DOCK1: variants seen among roughly 807,000 people sequenced by gnomAD.
DOCK1 encodes the protein dedicator of cytokinesis protein 1.
In DOCK1, 138 loss-of-function variants were observed where a neutral mutation model predicts 262.7. That is an observed-to-expected ratio of 0.53 (90% CI 0.46 to 0.61). DOCK1 has a LOEUF of 0.61. Among genes scored for constraint, DOCK1 ranks in the 20% least tolerant of loss-of-function variants. The pLI is 0.00. For synonymous variants in DOCK1, 866 were observed against 867.4 expected (o/e 1.00, Z 0.03); for missense variants, 1,908 against 2,370.7 (o/e 0.80, Z 4.05).
intron 1 of DOCK1, among the ~76,000 whole-genome samples, chr10:126,940,403 G>T (rs1402594056): frequency 6.6e-6 from 1 of 152,134 alleles, no homozygotes; most frequent in Non-Finnish European, 1.5e-5. Context: ...AATATTCAGA[G>T]TATGTGTTTT....
At chr10:127,433,476 G>A in intron 48 of DOCK1, 48 bp downstream of exon 48, 2 of 1,587,942 alleles carry the variant, frequency 1.3e-6, no homozygotes, top group African/African-American at 2.7e-5. Flanking sequence ...AGGGCTTGGG[G>A]GATCTGGAAG....
At chr10:127,145,200 CA>C (rs1001942081) in intron 27 of DOCK1, among the ~76,000 whole-genome samples, 2 of 152,096 alleles carry the variant, frequency 1.3e-5, no homozygotes, top group Admixed American at 1.3e-4. Flanking sequence ...GTCAGATGCA[CA>C]GGGGTCAGAG....
chr10:127,054,286 C>T (rs1457618760), intron 22 of DOCK1, among the ~76,000 whole-genome samples: 1 of 152,116 alleles, frequency 6.6e-6, no homozygotes, highest in Non-Finnish European at 1.5e-5. Context: ...GGGTGGTAAC[C>T]ACTAGTGATG....
At chr10:127,091,053 C>T (rs1465090770) in intron 23 of DOCK1, among the ~76,000 whole-genome samples, 3 of 147,138 alleles carry the variant, frequency 2.0e-5, no homozygotes, top group Non-Finnish European at 3.0e-5. Flanking sequence ...GTGATCTCGG[C>T]TCACTGCAAG....
chr10:127,349,698 A>G (rs1370457320), intron 31 of DOCK1, among the ~76,000 whole-genome samples: 1 of 152,114 alleles, frequency 6.6e-6, no homozygotes, highest in Admixed American at 6.5e-5. Flanking sequence ...AGGTGTGGGC[A>G]GTGTTGGTTC....
chr10:127,106,665 C>T lies in DOCK1; in HGVS notation c.2516+364C>T, dbSNP rs542800267. 3.1e-3 allele frequency among the ~76,000 whole-genome samples: 473 copies of T among 152,130 alleles called. 2 individuals are homozygous for T. The highest frequency in any genetic ancestry group is 0.01 in the African/African-American group (434 of 41,512). ...TGACATAGGAGCTTTAATATTCCTG[C>T]GCCGGCTTCTGCTTCTGTAATAGAG... On this transcript the variant is annotated intron_variant, in intron 24 of 51. Coordinates refer to ENST00000623213, the MANE Select transcript of DOCK1 (RefSeq NM_001290223.2).
At chr10:126,919,567 A>T (rs1243534181) in intron 1 of DOCK1, among the ~76,000 whole-genome samples, 1 of 152,164 alleles carries the variant, frequency 6.6e-6, no homozygotes, top group African/African-American at 2.4e-5. Context: ...GGGTGTGTGC[A>T]GGAGGCCTGA....
chr10:127,229,674 T>C (rs2058768917), intron 27 of DOCK1, among the ~76,000 whole-genome samples: 1 of 152,236 alleles, frequency 6.6e-6, no homozygotes, highest in Non-Finnish European at 1.5e-5. Context: ...CTATTGTGAA[T>C]AACGCTACAG....
chr10:127,191,422 C>T (rs2056749180), intron 27 of DOCK1, among the ~76,000 whole-genome samples: 1 of 152,092 alleles, frequency 6.6e-6, no homozygotes. Context: ...ATCTACCTTC[C>T]CTATGCTTGC....
intron 27 of DOCK1, among the ~76,000 whole-genome samples, chr10:127,245,876 A>C (rs894787682): frequency 2.0e-5 from 3 of 152,154 alleles, no homozygotes; most frequent in African/African-American, 7.2e-5. Flanking sequence ...CATTTATTCT[A>C]ATGTGTAAGT....
At chr10:127,305,218 C>T (rs893896698) in intron 29 of DOCK1, among the ~76,000 whole-genome samples, 1 of 152,160 alleles carries the variant, frequency 6.6e-6, no homozygotes, top group South Asian at 2.1e-4. Flanking sequence ...TTCATTTTCT[C>T]ATGTCACATT....
At chr10:127,238,778 G>C (rs905469429) in intron 27 of DOCK1, among the ~76,000 whole-genome samples, 3 of 152,118 alleles carry the variant, frequency 2.0e-5, no homozygotes, top group Non-Finnish European at 4.4e-5. Context: ...TCTGGTCAGG[G>C]GCTGTTTTTA....
At chr10:127,166,400 G>T (rs2054094856) in intron 27 of DOCK1, among the ~76,000 whole-genome samples, 1 of 152,178 alleles carries the variant, frequency 6.6e-6, no homozygotes, top group Non-Finnish European at 1.5e-5. Context: ...GTTCATGTTG[G>T]TTCCCCATTT....
At chr10:127,068,150 C>G (rs2045983926) in intron 23 of DOCK1, among the ~76,000 whole-genome samples, 1 of 152,112 alleles carries the variant, frequency 6.6e-6, no homozygotes, top group Non-Finnish European at 1.5e-5. Flanking sequence ...TTTTGATTCC[C>G]TTAAAAATAA....
At chr10:127,369,006 G>T (rs961624392) in intron 33 of DOCK1, among the ~76,000 whole-genome samples, 2 of 152,192 alleles carry the variant, frequency 1.3e-5, no homozygotes, top group Admixed American at 6.5e-5. Context: ...GTGAGGCTCA[G>T]TAAAATGCTG....
At chr10:127,134,753 T>G (rs1388261078) in intron 27 of DOCK1, among the ~76,000 whole-genome samples, 3 of 152,170 alleles carry the variant, frequency 2.0e-5, no homozygotes, top group Non-Finnish European at 4.4e-5. Context: ...CTGAAGAACA[T>G]GCGATGGTAG....
intron 27 of DOCK1, among the ~76,000 whole-genome samples, chr10:127,198,378 A>G (rs968264185): frequency 5.3e-5 from 8 of 152,206 alleles, no homozygotes; most frequent in African/African-American, 1.4e-4. Flanking sequence ...TTTTAAAGTG[A>G]CTGTAAATAA....
chr10:126,948,511 C>T (rs1034562651), intron 1 of DOCK1, among the ~76,000 whole-genome samples: 1 of 151,822 alleles, frequency 6.6e-6, no homozygotes. Context: ...TACTGTCCAG[C>T]CGGGCCTTTT....
chr10:127,419,483 T>C (rs1009949470), intron 45 of DOCK1, among the ~76,000 whole-genome samples, 183 bp from the exon 46 acceptor site: 2 of 152,164 alleles, frequency 1.3e-5, no homozygotes, highest in African/African-American at 4.8e-5. Flanking sequence ...CCACTTACAG[T>C]GTTTGACCTT....
Sources: allele counts gnomAD v4.1 joint callset (sites outside exome capture counted in the v4.1 genomes callset), GRCh38; gene constraint gnomAD v4.1.1; transcripts MANE v1.5; gene names NCBI Gene and HGNC (gene_info 2026-07-23, HGNC 2026-07-21).